Variants in CCDC91 observed in about 807,000 individuals in gnomAD.
The protein encoded by CCDC91 is coiled-coil domain-containing protein 91.
Under a neutral mutation model 63.2 loss-of-function variants are expected in CCDC91, and 48 were observed. The observed-to-expected ratio is 0.76, with a 90% CI of 0.60 to 0.97. The LOEUF (loss-of-function observed/expected upper bound fraction) is 0.97, where lower values mean the gene tolerates loss of function less well. CCDC91 is among the 50% of genes least tolerant of loss of function. The probability of loss-of-function intolerance (pLI) is 0.00; values close to 1 mark genes in which losing one functional copy is unlikely to be tolerated. For missense variants in CCDC91, 500 were observed against 494.6 expected (o/e 1.01, Z -0.10); for synonymous variants, 167 against 165.8 (o/e 1.01, Z -0.06).
chr12:28,472,123 C>T (rs1444668008), intron 11 of CCDC91, among the ~76,000 whole-genome samples: 1 of 152,208 alleles, frequency 6.6e-6, no homozygotes, highest in Non-Finnish European at 1.5e-5. Flanking sequence ...CCCTCTTCAG[C>T]TTCCATGTGA....
intron 6 of CCDC91, among the ~76,000 whole-genome samples, chr12:28,342,068 A>C (rs768761210): frequency 6.6e-6 from 1 of 152,218 alleles, no homozygotes; most frequent in Non-Finnish European, 1.5e-5. Flanking sequence ...GACAAATTAC[A>C]TAATTCCTTA....
At chr12:28,462,563 G>A (rs1476841346) in intron 11 of CCDC91, among the ~76,000 whole-genome samples, 1 of 152,002 alleles carries the variant, frequency 6.6e-6, no homozygotes, top group Non-Finnish European at 1.5e-5. Context: ...CACAAGAAAT[G>A]TAATATGTAG....
At position 28,484,126 on chromosome 12, in the gene CCDC91, A is replaced by G. The variant is rs139563579; in HGVS notation, c.1176A>G (p.Thr392=). ...EKAVEEAVKR[T]RDELIEYIKE... is the part of the protein sequence containing the mutation. ...CTGTGGAAGAGGCAGTGAAAAGAAC[A>G]AGAGATGAATTGATAGAGTATATAA... Residue 392 remains threonine (T), a synonymous_variant, in exon 12 of 13, where the codon ACA becomes ACG. Coordinates refer to ENST00000536442, the MANE Select transcript of CCDC91 (RefSeq NM_018318.5). 5.0e-6 allele frequency: 8 copies of G among 1,610,860 alleles called. No homozygotes were observed. The highest frequency in any genetic ancestry group is 1.7e-4 in the Middle Eastern group (1 of 6,048).
At chr12:28,479,946 A>C (rs1951353889) in intron 11 of CCDC91, among the ~76,000 whole-genome samples, 1 of 152,012 alleles carries the variant, frequency 6.6e-6, no homozygotes, top group African/African-American at 2.4e-5. Context: ...TGTAAAGACT[A>C]TATAAATGGC....
chr12:28,195,806 A>C (rs7975051), intron 1 of CCDC91, among the ~76,000 whole-genome samples: 8,246 of 152,292 alleles, frequency 0.054, 648 homozygotes, highest in African/African-American at 0.18. Flanking sequence ...CTAATCCATT[A>C]ATAAAATACC....
chr12:28,409,452 TGC>T (rs1305572442), intron 8 of CCDC91, among the ~76,000 whole-genome samples: 1 of 152,156 alleles, frequency 6.6e-6, no homozygotes, highest in Non-Finnish European at 1.5e-5. Flanking sequence ...TCTTTCTTTT[TGC>T]TGATTAGTTT....
At position 28,523,333 on chromosome 12, in the gene CCDC91, C is replaced by T. The variant is rs1940924387; in HGVS notation, c.1216-25730C>T. On this transcript the variant is annotated intron_variant, in intron 12 of 12. Transcript: ENST00000536442. Reference sequence around the variant, plus strand: ...GATCCCTTTACCATTATGTAATGGCCTTCTTTGTCTCTTTTGATCTCTGTT... The same window carrying T: ...GATCCCTTTACCATTATGTAATGGCTTTCTTTGTCTCTTTTGATCTCTGTT... 1.3e-5 allele frequency among the ~76,000 whole-genome samples: 2 copies of T among 152,070 alleles called. 1 individual carries two copies. The highest frequency in any genetic ancestry group is 4.2e-4 in the South Asian group (2 of 4,818).
intron 12 of CCDC91, among the ~76,000 whole-genome samples, chr12:28,519,556 TTTTC>T (rs1378420906): frequency 6.6e-6 from 1 of 151,600 alleles, no homozygotes; most frequent in Non-Finnish European, 1.5e-5. Context: ...TATCTTTCTC[TTTTC>T]TTTTTTTTTT....
intron 1 of CCDC91, among the ~76,000 whole-genome samples, chr12:28,204,304 C>A (rs1942684866): frequency 6.6e-6 from 1 of 152,216 alleles, no homozygotes; most frequent in Middle Eastern, 3.4e-3. Flanking sequence ...CACTTTTCTG[C>A]ATGAGGAAGA....
intron 7 of CCDC91, among the ~76,000 whole-genome samples, chr12:28,379,320 G>A (rs1433175528): frequency 6.6e-5 from 10 of 151,940 alleles, no homozygotes; most frequent in African/African-American, 2.4e-4. Context: ...TTAAACTAAA[G>A]AGCTTTTGCA....
At chr12:28,482,600 A>G (rs764041399) in intron 11 of CCDC91, among the ~76,000 whole-genome samples, 2 of 151,942 alleles carry the variant, frequency 1.3e-5, no homozygotes, top group Non-Finnish European at 2.9e-5. Flanking sequence ...GTACAGGGTA[A>G]AATGAGATGT....
chr12:28,440,251 A>C (rs1949115416), intron 8 of CCDC91, among the ~76,000 whole-genome samples: 1 of 152,170 alleles, frequency 6.6e-6, no homozygotes, highest in African/African-American at 2.4e-5. Context: ...ATAATAGTGA[A>C]GCTGTATGGC....
At chr12:28,449,574 A>G (rs1197315108) in intron 8 of CCDC91, among the ~76,000 whole-genome samples, 1 of 152,024 alleles carries the variant, frequency 6.6e-6, no homozygotes, top group East Asian at 1.9e-4. Flanking sequence ...GCACATCAAA[A>G]TAAAAATAGA....
At chr12:28,431,655 C>G (rs1180036510) in intron 8 of CCDC91, among the ~76,000 whole-genome samples, 1 of 151,832 alleles carries the variant, frequency 6.6e-6, no homozygotes, top group African/African-American at 2.4e-5. Context: ...CAGAAAGTTC[C>G]CATATACCTC....
chr12:28,408,346 A>G (rs1947100340), intron 8 of CCDC91, among the ~76,000 whole-genome samples: 1 of 152,130 alleles, frequency 6.6e-6, no homozygotes, highest in South Asian at 2.1e-4. Flanking sequence ...AGTATTCCAT[A>G]GTATATATGT....
At chr12:28,523,975 A>C (rs569746138) in intron 12 of CCDC91, among the ~76,000 whole-genome samples, 47 of 152,216 alleles carry the variant, frequency 3.1e-4, no homozygotes, top group Non-Finnish European at 6.2e-4. Flanking sequence ...CTCCTCAAGA[A>C]GAGTAACTCT....
chr12:28,316,107 C>A (rs1173362245), intron 6 of CCDC91, among the ~76,000 whole-genome samples: 11 of 151,696 alleles, frequency 7.3e-5, no homozygotes, highest in Non-Finnish European at 1.5e-4. Context: ...TTGGTTGATT[C>A]CTCTAGGTTT....
At chr12:28,362,297 T>TATA (rs1241655538) in intron 6 of CCDC91, 141 bp from the exon 7 acceptor site, 2 of 491,376 alleles carry the variant, frequency 4.1e-6, no homozygotes, top group Non-Finnish European at 7.4e-6. Context: ...TATATATATG[T>TATA]TTTCTCTTTG....
chr12:28,469,345 A>T (rs1950696502), intron 11 of CCDC91, among the ~76,000 whole-genome samples: 1 of 152,080 alleles, frequency 6.6e-6, no homozygotes, highest in Non-Finnish European at 1.5e-5. Flanking sequence ...AGTAGGTACA[A>T]ATGAAACTAA....
Sources: gnomAD v4.1 joint callset for allele counts (sites outside exome capture counted in the v4.1 genomes callset) on GRCh38, gnomAD v4.1.1 for gene constraint, MANE v1.5 for transcripts, NCBI Gene and HGNC (gene_info 2026-07-23, HGNC 2026-07-21) for gene names.